Variants in ZFPM2 observed in about 807,000 individuals in gnomAD.
ZFPM2 encodes the protein zinc finger protein ZFPM2.
In ZFPM2, 20 loss-of-function variants were observed where a neutral mutation model predicts 98.6. The ratio of observed to expected loss-of-function variants is 0.20; its 90% CI spans 0.14 to 0.29. The LOEUF (loss-of-function observed/expected upper bound fraction) is 0.29, where lower values mean the gene tolerates loss of function less well. Ranked by LOEUF, ZFPM2 falls within the 10% of genes least tolerant of loss-of-function variation. The probability of loss-of-function intolerance (pLI) is 1.00; values close to 1 mark genes in which losing one functional copy is unlikely to be tolerated. For synonymous variants in ZFPM2, 518 were observed against 502.7 expected (o/e 1.03, Z -0.41); for missense variants, 1,310 against 1,388.6 (o/e 0.94, Z 0.90).
chr8:105,789,306 A>T (rs962870037), intron 6 of ZFPM2, among the ~76,000 whole-genome samples: 2 of 151,992 alleles, frequency 1.3e-5, no homozygotes, highest in Admixed American at 6.6e-5. Flanking sequence ...TCATTGTTCA[A>T]TTCCCACCTA....
At chr8:105,323,387 C>CT (rs1464335832) in intron 1 of ZFPM2, among the ~76,000 whole-genome samples, 4 of 151,318 alleles carry the variant, frequency 2.6e-5, no homozygotes, top group African/African-American at 4.8e-5. Flanking sequence ...CAAAATAATT[C>CT]TTCTCTTTGG....
At chr8:105,800,463 A>G (rs1813967189) in intron 7 of ZFPM2, among the ~76,000 whole-genome samples, 2 of 151,958 alleles carry the variant, frequency 1.3e-5, no homozygotes, top group Non-Finnish European at 2.9e-5. Flanking sequence ...CCCTGGATAG[A>G]GATAAACTAT....
intron 3 of ZFPM2, among the ~76,000 whole-genome samples, chr8:105,457,498 G>A (rs1812615228): frequency 6.6e-6 from 1 of 152,178 alleles, no homozygotes; most frequent in African/African-American, 2.4e-5. Flanking sequence ...ATAGACAAAT[G>A]ATGAGATAAT....
At chr8:105,647,394 A>G (rs183493517) in intron 5 of ZFPM2, among the ~76,000 whole-genome samples, 1 of 151,564 alleles carries the variant, frequency 6.6e-6, no homozygotes, top group African/African-American at 2.4e-5. Flanking sequence ...CTTTTTTATT[A>G]TACTTTAAGT....
At chr8:105,358,910 A>T (rs1011069651) in intron 1 of ZFPM2, among the ~76,000 whole-genome samples, 3 of 152,148 alleles carry the variant, frequency 2.0e-5, no homozygotes, top group African/African-American at 7.2e-5. Context: ...AGCTGAAATC[A>T]TGCCACTGCA....
Position 105,323,347 on chromosome 8 carries a change from T to C in ZFPM2, c.40+4366T>C, listed in dbSNP as rs1227943815. 4.6e-5 allele frequency among the ~76,000 whole-genome samples: 7 copies of C among 151,942 alleles called. No individual in the cohort carries two copies. In the East Asian group the frequency reaches 5.8e-4, roughly 13 times the overall value. ...TTTGAAACAAATAAGTTATTTTTTTTCTGAATTTTAGGGATAATTGAATAT... is the reference window on the plus strand; with the variant it reads ...TTTGAAACAAATAAGTTATTTTTTTCCTGAATTTTAGGGATAATTGAATAT... On this transcript the variant is annotated intron_variant, in intron 1 of 7. Coordinates refer to ENST00000407775, the MANE Select transcript of ZFPM2 (RefSeq NM_012082.4).
intron 5 of ZFPM2, among the ~76,000 whole-genome samples, chr8:105,785,656 C>G (rs1403410722): frequency 2.0e-5 from 3 of 152,184 alleles, no homozygotes; most frequent in Admixed American, 2.0e-4. Context: ...GCAATCCCAG[C>G]ACTTTGGGAG....
At chr8:105,416,262 A>G (rs751651406) in intron 1 of ZFPM2, among the ~76,000 whole-genome samples, 1 of 151,668 alleles carries the variant, frequency 6.6e-6, no homozygotes, top group African/African-American at 2.4e-5. Flanking sequence ...GCATTTCAAT[A>G]TAATTTTTAA....
intron 3 of ZFPM2, among the ~76,000 whole-genome samples, chr8:105,468,119 C>T (rs1051473943): frequency 6.6e-6 from 1 of 151,922 alleles, no homozygotes; most frequent in African/African-American, 2.4e-5. Context: ...ACCATCCTTA[C>T]TTCTTCGGTG....
chr8:105,346,473 TAGG>T (rs1228333076), intron 1 of ZFPM2, among the ~76,000 whole-genome samples: 3 of 152,140 alleles, frequency 2.0e-5, no homozygotes, highest in Admixed American at 1.3e-4. Context: ...TTAAACTTAA[TAGG>T]AGGAGAATAA....
At chr8:105,553,625 T>C (rs1814915160) in intron 3 of ZFPM2, among the ~76,000 whole-genome samples, 1 of 152,180 alleles carries the variant, frequency 6.6e-6, no homozygotes, top group Non-Finnish European at 1.5e-5. Context: ...TCTGATTTGC[T>C]GCTGTCACCC....
chr8:105,648,154 C>T (rs535348769), intron 5 of ZFPM2, among the ~76,000 whole-genome samples: 6 of 152,234 alleles, frequency 3.9e-5, no homozygotes, highest in East Asian at 1.9e-4. Flanking sequence ...TTTCCTGTGT[C>T]TGTTGGCTGC....
At chr8:105,377,562 G>A (rs1810751865) in intron 1 of ZFPM2, among the ~76,000 whole-genome samples, 2 of 128,494 alleles carry the variant, frequency 1.6e-5, no homozygotes, top group Admixed American at 1.9e-4. Flanking sequence ...AGGAGTTTGC[G>A]ACCAGCTTGG....
At chr8:105,389,054 G>GTGTGTGTA (rs1563635723) in intron 1 of ZFPM2, among the ~76,000 whole-genome samples, 2 of 133,882 alleles carry the variant, frequency 1.5e-5, no homozygotes, top group African/African-American at 2.9e-5. Context: ...GTGTGTGTGT[G>GTGTGTGTA]TGTGTAGGCA....
At chr8:105,329,630 A>T (rs1447036795) in intron 1 of ZFPM2, among the ~76,000 whole-genome samples, 1 of 151,816 alleles carries the variant, frequency 6.6e-6, no homozygotes, top group Non-Finnish European at 1.5e-5. Context: ...TTTTTGAAGA[A>T]ATATAGGTTT....
intron 6 of ZFPM2, among the ~76,000 whole-genome samples, chr8:105,796,152 G>T (rs1220332944): frequency 6.6e-6 from 1 of 152,130 alleles, no homozygotes; most frequent in South Asian, 2.1e-4. Context: ...TATGGTAAAT[G>T]TACTTATTTT....
At chr8:105,716,597 C>A (rs1250214927) in intron 5 of ZFPM2, among the ~76,000 whole-genome samples, 1 of 151,908 alleles carries the variant, frequency 6.6e-6, no homozygotes, top group Non-Finnish European at 1.5e-5. Flanking sequence ...ATTTTCTAAA[C>A]CTTGTTGAGA....
At chr8:105,634,129 G>A in intron 4 of ZFPM2, 117 bp from the exon 5 acceptor site, 1 of 753,586 alleles carries the variant, frequency 1.3e-6, no homozygotes, top group East Asian at 2.7e-5. Flanking sequence ...ATAAGGACTT[G>A]GATTATGGTT....
At chr8:105,659,334 A>G (rs535267141) in intron 5 of ZFPM2, among the ~76,000 whole-genome samples, 1 of 152,196 alleles carries the variant, frequency 6.6e-6, no homozygotes, top group Non-Finnish European at 1.5e-5. Context: ...TTATGCCCTA[A>G]CCTTCAACTC....
Sources: allele counts gnomAD v4.1 joint callset (sites outside exome capture counted in the v4.1 genomes callset), GRCh38; gene constraint gnomAD v4.1.1; transcripts MANE v1.5; gene names NCBI Gene and HGNC (gene_info 2026-07-23, HGNC 2026-07-21).